COL25A1: variants seen among roughly 807,000 people sequenced by gnomAD.
COL25A1 encodes the protein collagen type XXV alpha 1 chain.
COL25A1 carries 103 observed loss-of-function variants against 128.4 expected under a neutral mutation model. That is an observed-to-expected ratio of 0.80 (90% CI 0.68 to 0.94). The LOEUF (loss-of-function observed/expected upper bound fraction) is 0.94. COL25A1 is among the 40% of genes least tolerant of loss of function. The pLI is 0.00. For synonymous variants in COL25A1, 279 were observed against 277.2 expected (o/e 1.01, Z -0.06); for missense variants, 745 against 840.0 (o/e 0.89, Z 1.40).
intron 8 of COL25A1, among the ~76,000 whole-genome samples, chr4:108,973,342 A>G (rs1752103482): frequency 6.6e-6 from 1 of 152,216 alleles, no homozygotes; most frequent in African/African-American, 2.4e-5. Context: ...CAGTATTTCT[A>G]TATGAAGAAG....
At chr4:109,260,909 T>C (rs1456906400) in intron 3 of COL25A1, among the ~76,000 whole-genome samples, 1 of 152,108 alleles carries the variant, frequency 6.6e-6, no homozygotes, top group Non-Finnish European at 1.5e-5. Flanking sequence ...AGAAGAAATA[T>C]CAAGATGAAA....
At chr4:109,165,882 A>G (rs1339072495) in intron 3 of COL25A1, among the ~76,000 whole-genome samples, 1 of 152,244 alleles carries the variant, frequency 6.6e-6, no homozygotes, top group Admixed American at 6.5e-5. Flanking sequence ...AGGCTTGTAC[A>G]TAAACAGTTG....
Position 109,283,177 on chromosome 4 carries a change from T to C in COL25A1, c.367+17406A>G, listed in dbSNP as rs151171348. Reference sequence around the variant, plus strand: ...CTTCTTTTTTTCTCCAAACTGAAAATATCCCTGTGTATTTGAGTTAGAGAG... The same window carrying C: ...CTTCTTTTTTTCTCCAAACTGAAAACATCCCTGTGTATTTGAGTTAGAGAG... On this transcript the variant is annotated intron_variant, in intron 3 of 37. Coordinates refer to ENST00000399132, the MANE Select transcript of COL25A1 (RefSeq NM_198721.4). Among the ~76,000 whole-genome samples, 230 of 152,216 alleles carry C rather than the reference T, an allele frequency of 1.5e-3. 2 individuals are homozygous for C. The South Asian group carries it at 0.025, about 17-fold the overall frequency.
At chr4:108,950,563 C>T (rs1749298600) in intron 8 of COL25A1, among the ~76,000 whole-genome samples, 1 of 152,136 alleles carries the variant, frequency 6.6e-6, no homozygotes, top group Non-Finnish European at 1.5e-5. Context: ...AATATATTTT[C>T]CTTTTCTAAA....
intron 3 of COL25A1, among the ~76,000 whole-genome samples, chr4:109,120,401 ACT>A (rs1327419588): frequency 1.3e-5 from 2 of 152,222 alleles, no homozygotes; most frequent in East Asian, 1.9e-4. Flanking sequence ...ACAAAAAACA[ACT>A]CTCTCAGATT....
At chr4:108,824,735 ATTTAC>A (rs921532774) in intron 34 of COL25A1, among the ~76,000 whole-genome samples, 6 of 152,178 alleles carry the variant, frequency 3.9e-5, no homozygotes, top group African/African-American at 9.6e-5. Flanking sequence ...GTCTAGAGGC[ATTTAC>A]TTTTGACATT....
intron 3 of COL25A1, among the ~76,000 whole-genome samples, chr4:109,128,188 T>C (rs1201957492): frequency 2.0e-5 from 3 of 152,048 alleles, no homozygotes; most frequent in African/African-American, 7.2e-5. Flanking sequence ...ACAGCGTATG[T>C]CCCTGAGTTG....
intron 3 of COL25A1, among the ~76,000 whole-genome samples, chr4:109,215,632 T>A (rs930128993): frequency 1.3e-5 from 2 of 152,094 alleles, no homozygotes; most frequent in African/African-American, 4.8e-5. Flanking sequence ...CTGAATTAAC[T>A]CCTCCCCATA....
chr4:109,083,448 ATTTTTTTTTTT>A (rs60165291), intron 3 of COL25A1, among the ~76,000 whole-genome samples: 14 of 77,058 alleles, frequency 1.8e-4, no homozygotes, highest in South Asian at 1.1e-3. Flanking sequence ...CACTAAATAA[ATTTTTTTTTTT>A]TTTTTTTTTT....
intron 13 of COL25A1, among the ~76,000 whole-genome samples, chr4:108,909,341 G>A (rs1385178460): frequency 1.3e-5 from 2 of 152,178 alleles, no homozygotes; most frequent in Admixed American, 6.5e-5. Flanking sequence ...TAGAAAAGTA[G>A]ACAAGTATAT....
At chr4:108,838,773 T>G (rs939062274) in intron 31 of COL25A1, among the ~76,000 whole-genome samples, 5 of 152,158 alleles carry the variant, frequency 3.3e-5, no homozygotes, top group African/African-American at 9.7e-5. Flanking sequence ...ATCAAAGAAC[T>G]TAGATGTAGT....
intron 3 of COL25A1, among the ~76,000 whole-genome samples, chr4:109,081,325 T>C (rs1202688487): frequency 6.6e-6 from 1 of 152,198 alleles, no homozygotes; most frequent in African/African-American, 2.4e-5. Context: ...ACAAAAATTA[T>C]AGAAAATATC....
At chr4:108,814,205 G>T in intron 37 of COL25A1, among the ~76,000 whole-genome samples, 1 of 152,056 alleles carries the variant, frequency 6.6e-6, no homozygotes, top group Non-Finnish European at 1.5e-5. Flanking sequence ...GAATTTTAGG[G>T]TAAGTCTTTT....
At chr4:108,821,169 A>G (rs1246488622) in intron 35 of COL25A1, among the ~76,000 whole-genome samples, 1 of 152,240 alleles carries the variant, frequency 6.6e-6, no homozygotes. Context: ...TCATTCTGAC[A>G]GCATGAGCAA....
At chr4:109,274,814 T>C (rs921182713) in intron 3 of COL25A1, among the ~76,000 whole-genome samples, 7 of 152,178 alleles carry the variant, frequency 4.6e-5, no homozygotes, top group African/African-American at 1.7e-4. Flanking sequence ...ATGTCTATAA[T>C]ACAAATTGTC....
chr4:108,914,119 G>A (rs972015927), intron 13 of COL25A1, among the ~76,000 whole-genome samples: 1 of 152,130 alleles, frequency 6.6e-6, no homozygotes, highest in African/African-American at 2.4e-5. Flanking sequence ...CTAACTGCTT[G>A]GTTGGTGGAA....
chr4:108,955,574 G>A (rs1041806499), intron 8 of COL25A1, among the ~76,000 whole-genome samples: 1 of 152,068 alleles, frequency 6.6e-6, no homozygotes, highest in Non-Finnish European at 1.5e-5. Flanking sequence ...AATAAAAAAG[G>A]AAGTGAAAGT....
chr4:109,222,256 G>A (rs1337071041), intron 3 of COL25A1, among the ~76,000 whole-genome samples: 2 of 151,660 alleles, frequency 1.3e-5, no homozygotes, highest in East Asian at 1.9e-4. Flanking sequence ...TAGAGCCGGG[G>A]TTTCACCATG....
intron 13 of COL25A1, among the ~76,000 whole-genome samples, chr4:108,903,712 C>T (rs1200661860): frequency 1.3e-5 from 2 of 151,970 alleles, no homozygotes; most frequent in African/African-American, 2.4e-5. Flanking sequence ...TTTATAGGCA[C>T]TTCAAAAAAA....
Sources: gnomAD v4.1 joint callset for allele counts (sites outside exome capture counted in the v4.1 genomes callset) on GRCh38, gnomAD v4.1.1 for gene constraint, MANE v1.5 for transcripts, NCBI Gene and HGNC (gene_info 2026-07-23, HGNC 2026-07-21) for gene names.